Variants in MACROD2 observed in about 807,000 individuals in gnomAD.
MACROD2 encodes mono-ADP ribosylhydrolase 2.
A neutral mutation model predicts 70.4 loss-of-function variants in MACROD2; 36 were observed. The ratio of observed to expected loss-of-function variants is 0.51; its 90% CI spans 0.39 to 0.68. The LOEUF (loss-of-function observed/expected upper bound fraction) is 0.68, where lower values mean the gene tolerates loss of function less well. MACROD2 is among the 30% of genes least tolerant of loss of function. The pLI, the probability that MACROD2 is intolerant of heterozygous loss-of-function variation, is 0.00. For missense variants in MACROD2, 496 were observed against 538.4 expected, an observed-to-expected ratio of 0.92 and a Z score of 0.78; for synonymous variants, 172 against 178.8, an observed-to-expected ratio of 0.96 and a Z score of 0.30.
chr20:14,957,626 A>G (rs935146614), intron 5 of MACROD2, among the ~76,000 whole-genome samples: 2 of 152,162 alleles, frequency 1.3e-5, no homozygotes, highest in African/African-American at 2.4e-5. Flanking sequence ...GGAGGAGTGC[A>G]GTGCTGATAG....
chr20:14,861,612 T>TG (rs2073318197), intron 5 of MACROD2, among the ~76,000 whole-genome samples: 2 of 151,624 alleles, frequency 1.3e-5, no homozygotes, highest in African/African-American at 2.4e-5. Context: ...GTGGGGAAAA[T>TG]GGGTGAATAA....
chr20:15,017,510 G>C (rs537352660), intron 5 of MACROD2, among the ~76,000 whole-genome samples: 13 of 152,246 alleles, frequency 8.5e-5, no homozygotes, highest in African/African-American at 2.9e-4. Flanking sequence ...TCTGGGGTCT[G>C]GAGGACGGTG....
At chr20:15,139,597 A>G (rs1004769312) in intron 5 of MACROD2, among the ~76,000 whole-genome samples, 1 of 152,026 alleles carries the variant, frequency 6.6e-6, no homozygotes, top group African/African-American at 2.4e-5. Context: ...TTTTGTTTTC[A>G]TTTTTTGGGT....
At chr20:15,693,132 T>C (rs1459053971) in intron 8 of MACROD2, among the ~76,000 whole-genome samples, 1 of 152,168 alleles carries the variant, frequency 6.6e-6, no homozygotes, top group Admixed American at 6.5e-5. Context: ...CTTTTCTTCA[T>C]AGATTACCCA....
At chr20:15,057,804 G>C (rs1243137459) in intron 5 of MACROD2, among the ~76,000 whole-genome samples, 1 of 152,148 alleles carries the variant, frequency 6.6e-6, no homozygotes, top group African/African-American at 2.4e-5. Context: ...GCCTGGCTCA[G>C]GGGATTCATG....
At chr20:15,006,139 ATATG>A (rs1327206200) in intron 5 of MACROD2, among the ~76,000 whole-genome samples, 72 of 95,102 alleles carry the variant, frequency 7.6e-4, no homozygotes, top group Middle Eastern at 4.1e-3. Flanking sequence ...TTATATATAT[ATATG>A]TGTGTGTGTG....
chr20:15,050,869 T>C (rs2075434444), intron 5 of MACROD2, among the ~76,000 whole-genome samples: 1 of 152,112 alleles, frequency 6.6e-6, no homozygotes, highest in Non-Finnish European at 1.5e-5. Flanking sequence ...TAAATTAGAA[T>C]AAAGATGACT....
intron 4 of MACROD2, among the ~76,000 whole-genome samples, chr20:14,669,723 C>G (rs987413485): frequency 9.9e-5 from 15 of 152,034 alleles, no homozygotes; most frequent in African/African-American, 2.9e-4. Flanking sequence ...AGAAAAGGAA[C>G]TATTAAGTTG....
chr20:14,810,441 A>G (rs2072695268), intron 5 of MACROD2, among the ~76,000 whole-genome samples: 1 of 152,154 alleles, frequency 6.6e-6, no homozygotes, highest in Admixed American at 6.5e-5. Context: ...AATGTATCTC[A>G]AAATAATAAG....
At position 15,322,763 on chromosome 20, in the gene MACROD2, C is replaced by T. The variant is rs780242984; in HGVS notation, c.540+92702C>T. Among the ~76,000 whole-genome samples, 17 of 144,270 alleles carry T rather than the reference C, an allele frequency of 1.2e-4. 2 individuals carry two copies. The highest frequency in any genetic ancestry group is 9.7e-4 in the Admixed American group (14 of 14,398). The allele number at this position is 144,270 out of a possible 152,430, so 94.6% of individuals were successfully genotyped here. On this transcript the variant is annotated intron_variant, in intron 6 of 17. Transcript: ENST00000684519. The stretch of plus-strand genomic sequence containing the variant: ...TTGGTTTCACAGTTGTATGAGACTT[C>T]AGGGATCTTCCTTTTTCCTCTTTTG...
chr20:14,859,664 T>G (rs1478103667), intron 5 of MACROD2, among the ~76,000 whole-genome samples: 4 of 152,198 alleles, frequency 2.6e-5, no homozygotes, highest in Admixed American at 2.6e-4. Flanking sequence ...TATTGAGATT[T>G]TTTTTCAGAG....
intron 3 of MACROD2, chr20:14,127,326 T>A: frequency 3.3e-6 from 1 of 306,946 alleles, no homozygotes; most frequent in Non-Finnish European, 6.2e-6. Context: ...ATAAGAAAAG[T>A]TTGGGCCATA....
chr20:16,026,322 C>T (rs966693898), intron 15 of MACROD2, among the ~76,000 whole-genome samples: 1 of 152,172 alleles, frequency 6.6e-6, no homozygotes, highest in Admixed American at 6.5e-5. Flanking sequence ...ACTGTATTCA[C>T]TGCCACAGAT....
intron 5 of MACROD2, among the ~76,000 whole-genome samples, chr20:14,944,638 G>A (rs771662076): frequency 2.0e-5 from 3 of 152,154 alleles, no homozygotes; most frequent in Non-Finnish European, 4.4e-5. Flanking sequence ...ATGCGTACAG[G>A]ATCTGGGAGG....
chr20:15,101,123 A>T (rs1251399989), intron 5 of MACROD2, among the ~76,000 whole-genome samples: 1 of 152,158 alleles, frequency 6.6e-6, no homozygotes, highest in Non-Finnish European at 1.5e-5. Context: ...TTTCATGTGT[A>T]TGTACAGGTA....
intron 3 of MACROD2, among the ~76,000 whole-genome samples, chr20:14,107,937 G>A (rs1231912252): frequency 6.6e-6 from 1 of 151,984 alleles, no homozygotes; most frequent in Non-Finnish European, 1.5e-5. Context: ...TTATCTGAAG[G>A]TACAAAATTC....
intron 5 of MACROD2, among the ~76,000 whole-genome samples, chr20:14,927,896 G>A (rs577352665): frequency 6.6e-6 from 1 of 152,134 alleles, no homozygotes; most frequent in Non-Finnish European, 1.5e-5. Flanking sequence ...TTCTGTTTAG[G>A]TATCCACATT....
chr20:15,013,107 A>T (rs2075095522), intron 5 of MACROD2, among the ~76,000 whole-genome samples: 1 of 152,120 alleles, frequency 6.6e-6, no homozygotes, highest in South Asian at 2.1e-4. Context: ...TTACTTGCTG[A>T]GTAGAACCCC....
intron 8 of MACROD2, among the ~76,000 whole-genome samples, chr20:15,545,196 T>A (rs894394833): frequency 2.0e-5 from 3 of 152,078 alleles, no homozygotes; most frequent in African/African-American, 7.2e-5. Context: ...TCTGAGAAAA[T>A]TATGATGTTT....
Sources: allele counts gnomAD v4.1 joint callset (sites outside exome capture counted in the v4.1 genomes callset), GRCh38; gene constraint gnomAD v4.1.1; transcripts MANE v1.5; gene names NCBI Gene and HGNC (gene_info 2026-07-23, HGNC 2026-07-21).